TNNI3K: variants seen among roughly 807,000 people sequenced by gnomAD.
TNNI3K encodes TNNI3 interacting kinase.
In TNNI3K, 140 loss-of-function variants were observed where a neutral mutation model predicts 114.5. That is an observed-to-expected ratio of 1.22 (90% CI 1.07 to 1.41). The LOEUF (loss-of-function observed/expected upper bound fraction) is 1.41. Ranked by LOEUF, TNNI3K falls within the 40% of genes most tolerant of loss-of-function variation. The probability of loss-of-function intolerance (pLI) is 0.00; values close to 1 mark genes in which losing one functional copy is unlikely to be tolerated. For synonymous variants in TNNI3K, 347 were observed against 347.5 expected (o/e 1.00, Z 0.02); for missense variants, 1,125 against 1,007.6 (o/e 1.12, Z -1.58).
intron 4 of TNNI3K, among the ~76,000 whole-genome samples, chr1:74,256,306 TTTTTTTTTTTG>T: frequency 1.4e-5 from 2 of 141,328 alleles, no homozygotes; most frequent in South Asian, 2.3e-4. Flanking sequence ...TTTTTTTTTT[TTTTTTTTTTTG>T]GCTATTCTAT....
At chr1:74,496,502 A>G (rs1669332760) in intron 23 of TNNI3K, among the ~76,000 whole-genome samples, 2 of 152,192 alleles carry the variant, frequency 1.3e-5, no homozygotes, top group Non-Finnish European at 2.9e-5. Context: ...GTCTTGAGAA[A>G]TGATGCATTT....
chr1:74,540,999 A>T lies in TNNI3K; in HGVS notation c.2431+686A>T, dbSNP rs1646720676. Reference sequence around the variant, plus strand: ...GCGATATCAATGTGTTAGGGCTGGGATGTCCTTTTACCAACCTTTAAGCCT... The same window carrying T: ...GCGATATCAATGTGTTAGGGCTGGGTTGTCCTTTTACCAACCTTTAAGCCT... On this transcript the variant is annotated intron_variant, in intron 24 of 24. Coordinates refer to ENST00000326637, the MANE Select transcript of TNNI3K (RefSeq NM_015978.3). Among the ~76,000 whole-genome samples, 4 of 152,168 alleles carry T rather than the reference A, an allele frequency of 2.6e-5. No individual in the cohort carries two copies. In the South Asian group the frequency reaches 8.3e-4, roughly 31 times the overall value.
chr1:74,457,824 C>T (rs1667289985), intron 20 of TNNI3K, among the ~76,000 whole-genome samples: 1 of 152,096 alleles, frequency 6.6e-6, no homozygotes. Flanking sequence ...GAGAGCTGCA[C>T]AGTCATTCTC....
In TNNI3K at chr1:74,271,397, A is replaced by G. The variant is rs514012; in HGVS notation, c.334-201A>G. The stretch of plus-strand genomic sequence containing the variant: ...GCGGTAGAGGATTGATTAGAACTGA[A>G]CACCTCTGTCATTTGGTCCTACTTT... On this transcript the variant is annotated intron_variant, in intron 4 of 24. Coordinates refer to ENST00000326637, the MANE Select transcript of TNNI3K (RefSeq NM_015978.3). 0.16 allele frequency among the ~76,000 whole-genome samples: 24,980 copies of G among 151,718 alleles called. 2,164 individuals are homozygous for G. Among genetic ancestry groups the G allele is most frequent in the South Asian group, 0.26 (1,275 of 4,814 alleles).
intron 12 of TNNI3K, 43 bp downstream of exon 12, chr1:74,367,385 T>TACACAG: frequency 6.2e-7 from 1 of 1,601,896 alleles, no homozygotes; most frequent in South Asian, 1.1e-5. Flanking sequence ...TATAATATAT[T>TACACAG]GTGCCTAAAG....
chr1:74,462,989 C>A (rs189446932), intron 20 of TNNI3K, among the ~76,000 whole-genome samples: 1 of 152,184 alleles, frequency 6.6e-6, no homozygotes, highest in East Asian at 1.9e-4. Context: ...AAAAAATCTA[C>A]TTTGCTCAAG....
chr1:74,501,307 C>G (rs1669612545), intron 23 of TNNI3K, among the ~76,000 whole-genome samples: 1 of 152,130 alleles, frequency 6.6e-6, no homozygotes, highest in East Asian at 1.9e-4. Context: ...AATTTATATT[C>G]CAGTTCTAGA....
At chr1:74,518,691 A>C (rs1213826381) in intron 23 of TNNI3K, among the ~76,000 whole-genome samples, 1 of 152,056 alleles carries the variant, frequency 6.6e-6, no homozygotes, top group African/African-American at 2.4e-5. Context: ...CTGTTTTTTA[A>C]GCTCAAAATT....
chr1:74,319,413 AACTCAAGG>A (rs887076385), intron 5 of TNNI3K, among the ~76,000 whole-genome samples: 20 of 152,216 alleles, frequency 1.3e-4, no homozygotes, highest in Non-Finnish European at 2.9e-5. Context: ...GTCAACCCCA[AACTCAAGG>A]GAACTACTTA....
intron 5 of TNNI3K, among the ~76,000 whole-genome samples, chr1:74,323,539 C>A (rs1378190628): frequency 6.6e-6 from 1 of 151,824 alleles, no homozygotes; most frequent in African/African-American, 2.4e-5. Context: ...CAATATCAGC[C>A]GAGGGCAAAG....
chr1:74,516,949 A>C (rs1323749577), intron 23 of TNNI3K, among the ~76,000 whole-genome samples: 1 of 152,206 alleles, frequency 6.6e-6, no homozygotes, highest in African/African-American at 2.4e-5. Flanking sequence ...TCTCTACAGA[A>C]GTCTAAAAGA....
chr1:74,407,399 G>A (rs1362821312), intron 17 of TNNI3K, among the ~76,000 whole-genome samples: 1 of 152,078 alleles, frequency 6.6e-6, no homozygotes, highest in Admixed American at 6.6e-5. Context: ...TAAGTGTAAA[G>A]GAAATAGTAT....
intron 17 of TNNI3K, among the ~76,000 whole-genome samples, chr1:74,421,995 T>A (rs1451805251): frequency 6.8e-6 from 1 of 147,846 alleles, no homozygotes; most frequent in African/African-American, 2.5e-5. Context: ...TATTATTATT[T>A]ATTTTAGATT....
chr1:74,427,829 A>G (rs913108563), intron 17 of TNNI3K, among the ~76,000 whole-genome samples: 22 of 152,138 alleles, frequency 1.4e-4, no homozygotes, highest in African/African-American at 5.1e-4. Context: ...GCACTTGCTC[A>G]TAGAAACCTC....
At chr1:74,395,625 G>A (rs1226050697) in intron 17 of TNNI3K, among the ~76,000 whole-genome samples, 5 of 152,128 alleles carry the variant, frequency 3.3e-5, no homozygotes, top group African/African-American at 9.7e-5. Flanking sequence ...TCTAAGATAC[G>A]AAGCGAGTGC....
intron 17 of TNNI3K, chr1:74,416,693 C>T (rs1307914041): frequency 2.1e-6 from 1 of 482,360 alleles, no homozygotes; most frequent in Non-Finnish European, 2.7e-6. Flanking sequence ...CATTAAATAT[C>T]TTCTTTTTCA....
intron 20 of TNNI3K, among the ~76,000 whole-genome samples, chr1:74,461,482 G>GAAAAAA (rs745581474): frequency 1.3e-5 from 1 of 74,082 alleles, no homozygotes; most frequent in African/African-American, 4.7e-5. Context: ...TCTGTCTCGA[G>GAAAAAA]AAAAAAAAAA....
intron 20 of TNNI3K, among the ~76,000 whole-genome samples, chr1:74,456,772 A>T (rs1667243821): frequency 6.6e-6 from 1 of 152,174 alleles, no homozygotes; most frequent in Admixed American, 6.5e-5. Flanking sequence ...TAATTTAAGA[A>T]CATCTGCCAA....
intron 17 of TNNI3K, among the ~76,000 whole-genome samples, chr1:74,427,656 C>CT (rs796963535): frequency 1.1e-4 from 16 of 152,164 alleles, no homozygotes; most frequent in African/African-American, 3.9e-4. Flanking sequence ...TAGCTGTCAT[C>CT]TCCTGTGTTG....
Sources: gnomAD v4.1 joint callset for allele counts (sites outside exome capture counted in the v4.1 genomes callset) on GRCh38, gnomAD v4.1.1 for gene constraint, MANE v1.5 for transcripts, NCBI Gene and HGNC (gene_info 2026-07-23, HGNC 2026-07-21) for gene names.